Variants in TMEM62 observed in about 807,000 individuals in gnomAD.
TMEM62 encodes transmembrane protein 62.
TMEM62 carries 41 observed loss-of-function variants against 70.4 expected under a neutral mutation model. The ratio of observed to expected loss-of-function variants is 0.58; its 90% CI spans 0.45 to 0.76. TMEM62 has a LOEUF of 0.76. TMEM62 is among the 30% of genes least tolerant of loss of function. The probability of loss-of-function intolerance (pLI) is 0.00; values close to 1 mark genes in which losing one functional copy is unlikely to be tolerated. For synonymous variants in TMEM62, 268 were observed against 291.0 expected (o/e 0.92, Z 0.80); for missense variants, 688 against 788.5 (o/e 0.87, Z 1.53).
intron 3 of TMEM62, among the ~76,000 whole-genome samples, chr15:43,136,692 A>C (rs1370555881): frequency 1.3e-5 from 2 of 151,786 alleles, no homozygotes; most frequent in Admixed American, 6.6e-5. Context: ...CTGACCTCAA[A>C]TGATCTGCCC....
chr15:43,168,159 G>C (rs1478156740), intron 10 of TMEM62, among the ~76,000 whole-genome samples: 2 of 106,050 alleles, frequency 1.9e-5, no homozygotes, highest in Non-Finnish European at 4.0e-5. Flanking sequence ...GGGAGAGGGA[G>C]AGGGAGAGGG....
At chr15:43,182,357 G>A (rs956888295) in intron 13 of TMEM62, among the ~76,000 whole-genome samples, 2 of 152,038 alleles carry the variant, frequency 1.3e-5, no homozygotes, top group Non-Finnish European at 2.9e-5. Flanking sequence ...CTTCTGCCTA[G>A]CAAACACTGA....
chr15:43,167,410 GGCGGTTGCCAGGCAGA>G (rs770516021), intron 10 of TMEM62, among the ~76,000 whole-genome samples: 370 of 151,968 alleles, frequency 2.4e-3, no homozygotes, highest in Non-Finnish European at 4.7e-3. Flanking sequence ...TCTCAGACGG[GGCGGTTGCCAGGCAGA>G]GGGTCTCCTC....
At chr15:43,172,667 A>G (rs1383932790) in intron 11 of TMEM62, among the ~76,000 whole-genome samples, 12 of 152,224 alleles carry the variant, frequency 7.9e-5, no homozygotes, top group Non-Finnish European at 1.6e-4. Flanking sequence ...TATGCTGACA[A>G]TTCTGAAGAC....
At chr15:43,159,960 T>C (rs1247169181) in intron 9 of TMEM62, among the ~76,000 whole-genome samples, 2 of 152,088 alleles carry the variant, frequency 1.3e-5, no homozygotes, top group African/African-American at 2.4e-5. Context: ...TGTAGAATTA[T>C]AGGTTTTAAT....
In TMEM62 at chr15:43,134,290, C is replaced by A; in HGVS notation, c.214C>A (p.Pro72Thr). The change falls in exon 2 of 14, where the codon CCA (proline) becomes ACA (threonine). Residue 72 changes from proline to threonine, a missense_variant. By Grantham distance (38) the Pro-to-Thr change is conservative. Coordinates refer to ENST00000260403, the MANE Select transcript of TMEM62 (RefSeq NM_024956.4). ...SDIHLSRFRD[P>T]GRAVDLEKFC... is the part of the protein sequence containing the mutation. ...CATTCACCTGAGCAGGTTTCGAGAT[C>A]CAGGCAGAGCGGTAGACTTAGAGAA... The A allele has an allele frequency of 1.2e-6, 2 of 1,614,186 alleles. No individual in the cohort carries two copies. Among genetic ancestry groups the A allele is most frequent in the South Asian group, 2.2e-5 (2 of 91,084 alleles).
At chr15:43,164,933 A>T (rs1236139817) in intron 10 of TMEM62, among the ~76,000 whole-genome samples, 3 of 152,116 alleles carry the variant, frequency 2.0e-5, no homozygotes, top group Non-Finnish European at 4.4e-5. Flanking sequence ...TGCCAGACAT[A>T]TTGGAGCTCC....
At chr15:43,158,326 T>C (rs1387262921) in intron 9 of TMEM62, among the ~76,000 whole-genome samples, 2 of 152,202 alleles carry the variant, frequency 1.3e-5, no homozygotes, top group African/African-American at 4.8e-5. Context: ...TGCTGGTAAA[T>C]ATTTAGTAAC....
chr15:43,155,910 T>C (rs898909710), intron 9 of TMEM62, among the ~76,000 whole-genome samples: 1 of 152,202 alleles, frequency 6.6e-6, no homozygotes, highest in Non-Finnish European at 1.5e-5. Context: ...TTTCTTATTC[T>C]GATTCAATTT....
intron 4 of TMEM62, among the ~76,000 whole-genome samples, chr15:43,140,138 G>T (rs1019869564): frequency 6.6e-6 from 1 of 152,050 alleles, no homozygotes; most frequent in Non-Finnish European, 1.5e-5. Flanking sequence ...CCCCACCCTT[G>T]CAGTCTCTAG....
In TMEM62 at chr15:43,153,280, G is replaced by A. The variant is rs2037630640; in HGVS notation, c.1022+1335G>A. Among the ~76,000 whole-genome samples the A allele has an allele frequency of 2.0e-5, 3 of 151,784 alleles. No homozygotes were observed. The South Asian group carries it at 6.2e-4, about 32-fold the overall frequency. On this transcript the variant is annotated intron_variant, in intron 8 of 13. Transcript: ENST00000260403. ...AAGCATGATTAAACAAAGTACACAT[G>A]GCATAAAATGTACCATTTTAACCAT...
At chr15:43,155,848 C>CT (rs1266725152) in intron 9 of TMEM62, among the ~76,000 whole-genome samples, 3 of 152,160 alleles carry the variant, frequency 2.0e-5, no homozygotes, top group Non-Finnish European at 4.4e-5. Context: ...ATCAGAAGCA[C>CT]TTTTTTGTTA....
intron 4 of TMEM62, among the ~76,000 whole-genome samples, chr15:43,139,460 T>C (rs907406041): frequency 6.6e-5 from 10 of 152,132 alleles, no homozygotes; most frequent in African/African-American, 2.2e-4. Context: ...AAGGTAGAAA[T>C]GATGAAGCTT....
chr15:43,151,104 G>T (rs1301859788), intron 7 of TMEM62, among the ~76,000 whole-genome samples: 1 of 152,138 alleles, frequency 6.6e-6, no homozygotes, highest in Admixed American at 6.5e-5. Context: ...CAGCACTTTG[G>T]GAAGCCAAGG....
intron 8 of TMEM62, among the ~76,000 whole-genome samples, chr15:43,154,046 C>G (rs1329384802): frequency 1.3e-5 from 2 of 152,222 alleles, no homozygotes; most frequent in East Asian, 1.9e-4. Flanking sequence ...TCACAATACT[C>G]TTATTATTAT....
At chr15:43,183,197 T>C (rs2041525986) in intron 13 of TMEM62, among the ~76,000 whole-genome samples, 1 of 152,256 alleles carries the variant, frequency 6.6e-6, no homozygotes, top group African/African-American at 2.4e-5. Context: ...TTATTTGATC[T>C]GCTTCCAATG....
chr15:43,184,315 G>C lies in TMEM62; in HGVS notation c.1661G>C (p.Arg554Pro). 1.9e-6 allele frequency: 3 copies of C among 1,614,106 alleles called. No individual in the cohort carries two copies. The highest frequency in any genetic ancestry group is 2.5e-6 in the Non-Finnish European group (3 of 1,180,030). The part of the protein sequence containing the change: ...MAYMCWSLLQ[R>P]CFGHNFRSHL... ...TACATGTGTTGGAGCTTGCTGCAGC[G>C]GTGCTTTGGTCACAACTTCAGGTCT... is the stretch of plus-strand genomic sequence containing the variant. The change falls in exon 14 of 14, where the codon CGG becomes CCG. Residue 554 changes from arginine (R) to proline (P), a missense_variant. By Grantham distance (103) the Arg-to-Pro change is moderately radical. Transcript: ENST00000260403.
At chr15:43,174,304 T>G (rs2040513006) in intron 11 of TMEM62, among the ~76,000 whole-genome samples, 1 of 152,218 alleles carries the variant, frequency 6.6e-6, no homozygotes, top group African/African-American at 2.4e-5. Context: ...TCCCTGGGAT[T>G]AAGGACTGAT....
At chr15:43,150,990 A>G (rs531521160) in intron 7 of TMEM62, among the ~76,000 whole-genome samples, 1 of 152,344 alleles carries the variant, frequency 6.6e-6, no homozygotes, top group East Asian at 1.9e-4. Flanking sequence ...TGAATATTTT[A>G]TACCTTTTGT....
Sources: gnomAD v4.1 joint callset for allele counts (sites outside exome capture counted in the v4.1 genomes callset) on GRCh38, gnomAD v4.1.1 for gene constraint, MANE v1.5 for transcripts, NCBI Gene and HGNC (gene_info 2026-07-23, HGNC 2026-07-21) for gene names.